The following DPP10 variants were observed in gnomAD, a reference collection of about 807,000 sequenced individuals.
DPP10 encodes dipeptidyl peptidase like 10.
Under a neutral mutation model 120.9 loss-of-function variants are expected in DPP10, and 33 were observed. That is an observed-to-expected ratio of 0.27 (90% CI 0.21 to 0.37). DPP10 has a LOEUF of 0.37. Ranked by LOEUF, DPP10 falls within the 10% of genes least tolerant of loss-of-function variation. The probability of loss-of-function intolerance (pLI) is 1.00; values close to 1 mark genes in which losing one functional copy is unlikely to be tolerated. For synonymous variants in DPP10, 337 were observed against 326.1 expected, an observed-to-expected ratio of 1.03 and a Z score of -0.36; for missense variants, 816 against 942.8, an observed-to-expected ratio of 0.87 and a Z score of 1.76.
intron 5 of DPP10, among the ~76,000 whole-genome samples, chr2:115,613,649 G>T (rs940727891): frequency 6.6e-6 from 1 of 152,146 alleles, no homozygotes; most frequent in Non-Finnish European, 1.5e-5. Flanking sequence ...GTTGCTGACA[G>T]GTTGAACAAA....
At chr2:115,832,136 A>G (rs1688989589) in intron 21 of DPP10, among the ~76,000 whole-genome samples, 1 of 152,210 alleles carries the variant, frequency 6.6e-6, no homozygotes, top group African/African-American at 2.4e-5. Flanking sequence ...TTTGTGATAT[A>G]CTATTGCATT....
At chr2:115,296,603 T>C (rs180915595) in intron 1 of DPP10, among the ~76,000 whole-genome samples, 3 of 152,104 alleles carry the variant, frequency 2.0e-5, no homozygotes, top group South Asian at 2.1e-4. Flanking sequence ...AGGATAGATT[T>C]GATCTTTAGC....
intron 3 of DPP10, among the ~76,000 whole-genome samples, chr2:115,349,311 A>G (rs1354167876): frequency 6.6e-6 from 1 of 152,236 alleles, no homozygotes; most frequent in Non-Finnish European, 1.5e-5. Context: ...AAATCAAGGT[A>G]AGCCATGGCC....
intron 1 of DPP10, among the ~76,000 whole-genome samples, chr2:115,125,294 A>T (rs1024011706): frequency 6.6e-6 from 1 of 152,306 alleles, no homozygotes; most frequent in Non-Finnish European, 1.5e-5. Flanking sequence ...ATATAACATG[A>T]TGTATATTTT....
At chr2:114,574,686 C>G (rs1549732) in intron 1 of DPP10, among the ~76,000 whole-genome samples, 137,398 of 152,250 alleles carry the variant, frequency 0.9, 63,281 homozygotes, top group Non-Finnish European at 1. Context: ...CAACACAAAA[C>G]TGCTACTTAC....
intron 1 of DPP10, among the ~76,000 whole-genome samples, chr2:115,279,207 C>CA (rs144906945): frequency 0.055 from 8,333 of 152,192 alleles, 304 homozygotes; most frequent in Middle Eastern, 0.1. Context: ...ACATTAAAAC[C>CA]ATGGGAGGCT....
intron 11 of DPP10, among the ~76,000 whole-genome samples, chr2:115,758,202 G>A (rs149887676): frequency 6.6e-6 from 1 of 152,238 alleles, no homozygotes; most frequent in Non-Finnish European, 1.5e-5. Flanking sequence ...CAAGTGGCAA[G>A]TAAGTCCAGA....
At chr2:114,968,661 AC>A (rs1386712965) in intron 1 of DPP10, among the ~76,000 whole-genome samples, 1 of 152,148 alleles carries the variant, frequency 6.6e-6, no homozygotes. Context: ...ATTTCCTTAC[AC>A]CAGGTCATTT....
chr2:115,512,691 G>C (rs1012402323), intron 4 of DPP10, among the ~76,000 whole-genome samples: 1 of 151,914 alleles, frequency 6.6e-6, no homozygotes, highest in Non-Finnish European at 1.5e-5. Flanking sequence ...CTATATATTT[G>C]TGAATTTCCC....
intron 1 of DPP10, among the ~76,000 whole-genome samples, chr2:114,649,442 G>A (rs528767333): frequency 2.6e-5 from 4 of 151,332 alleles, no homozygotes; most frequent in African/African-American, 4.9e-5. Flanking sequence ...TCCGCCTCCC[G>A]GGTTCACGCC....
At chr2:115,737,053 A>G (rs1394401382) in intron 8 of DPP10, among the ~76,000 whole-genome samples, 1 of 151,916 alleles carries the variant, frequency 6.6e-6, no homozygotes, top group East Asian at 1.9e-4. Context: ...TCTGTTTCTT[A>G]TTGTCTTTCA....
intron 1 of DPP10, among the ~76,000 whole-genome samples, chr2:115,224,128 T>C (rs937805076): frequency 1.3e-5 from 2 of 152,164 alleles, no homozygotes; most frequent in African/African-American, 4.8e-5. Context: ...ATATGCAGAT[T>C]AGTGAGTGTA....
At chr2:114,496,755 A>G (rs559165753) in intron 1 of DPP10, among the ~76,000 whole-genome samples, 22 of 152,156 alleles carry the variant, frequency 1.4e-4, no homozygotes, top group South Asian at 6.2e-4. Flanking sequence ...AGGGGTCACA[A>G]TGAGGCTGGT....
At chr2:114,804,569 G>GAC (rs1684558130) in intron 1 of DPP10, among the ~76,000 whole-genome samples, 1 of 152,214 alleles carries the variant, frequency 6.6e-6, no homozygotes, top group East Asian at 1.9e-4. Flanking sequence ...CTGGATGTGA[G>GAC]ACCTGGAGTC....
chr2:115,438,614 T>C (rs2071726041), intron 3 of DPP10, among the ~76,000 whole-genome samples: 1 of 152,196 alleles, frequency 6.6e-6, no homozygotes, highest in South Asian at 2.1e-4. Context: ...AATCCTAAAA[T>C]CATTATGCTA....
chr2:115,314,007 A>T (rs2061685762), intron 2 of DPP10, among the ~76,000 whole-genome samples: 1 of 152,224 alleles, frequency 6.6e-6, no homozygotes, highest in African/African-American at 2.4e-5. Flanking sequence ...TAATGCTTAA[A>T]GTTGTAGAAA....
chr2:115,381,030 C>A (rs1370982798), intron 3 of DPP10, among the ~76,000 whole-genome samples: 1 of 152,228 alleles, frequency 6.6e-6, no homozygotes, highest in East Asian at 1.9e-4. Flanking sequence ...AATTATGTGT[C>A]TTAGAGTTGC....
chr2:115,313,643 A>G (rs981365908), intron 2 of DPP10, among the ~76,000 whole-genome samples: 2 of 152,206 alleles, frequency 1.3e-5, no homozygotes, highest in Non-Finnish European at 2.9e-5. Context: ...AACCAGAGAA[A>G]CACATGTTCA....
chr2:114,699,128 T>C lies in DPP10; in HGVS notation c.60+256290T>C, dbSNP rs566665034. On this transcript the variant is annotated intron_variant, in intron 1 of 25. Coordinates refer to ENST00000410059, the MANE Select transcript of DPP10 (RefSeq NM_020868.6). ...CAGGAGGACATGAAACTACAAACCA[T>C]TAAATGGTGATAATCTAAAAAACGT... Among the ~76,000 whole-genome samples, 3 of 152,220 alleles carry C rather than the reference T, an allele frequency of 2.0e-5. No individual in the cohort carries two copies. The South Asian group carries it at 6.2e-4, about 32-fold the overall frequency.
Sources: allele counts gnomAD v4.1 joint callset (sites outside exome capture counted in the v4.1 genomes callset), GRCh38; gene constraint gnomAD v4.1.1; transcripts MANE v1.5; gene names NCBI Gene and HGNC (gene_info 2026-07-23, HGNC 2026-07-21).